Variants in KCNN2 observed in about 807,000 individuals in gnomAD.
KCNN2 encodes the protein small conductance calcium-activated potassium channel protein 2.
Under a neutral mutation model 55.5 loss-of-function variants are expected in KCNN2, and 24 were observed. That is an observed-to-expected ratio of 0.43 (90% CI 0.31 to 0.61). KCNN2 has a LOEUF of 0.61. Ranked by LOEUF, KCNN2 falls within the 20% of genes least tolerant of loss-of-function variation. KCNN2 has a pLI of 0.08. For missense variants in KCNN2, 754 were observed against 853.6 expected, an observed-to-expected ratio of 0.88 and a Z score of 1.45; for synonymous variants, 431 against 336.1, an observed-to-expected ratio of 1.28 and a Z score of -3.09.
chr5:114,140,250 A>T (rs1229322936), intron 1 of KCNN2, among the ~76,000 whole-genome samples: 2 of 152,150 alleles, frequency 1.3e-5, no homozygotes, highest in African/African-American at 2.4e-5. Context: ...TATCTTTGAG[A>T]TTTTGCTGAC....
Position 114,183,571 on chromosome 5 carries a change from T to G in KCNN2, c.-270-37909T>G, listed in dbSNP as rs564463579. 3.9e-5 allele frequency among the ~76,000 whole-genome samples: 6 copies of G among 152,254 alleles called. No individual in the cohort carries two copies. In the East Asian group the frequency reaches 1.2e-3, roughly 29 times the overall value. ...CTGCTTCATCTTTTGTCACTGTTAGTAAGTTGTATATTTGAAGAATCTGTC... is the reference window on the plus strand; with the variant it reads ...CTGCTTCATCTTTTGTCACTGTTAGGAAGTTGTATATTTGAAGAATCTGTC... On this transcript the variant is annotated intron_variant, in intron 1 of 10. Transcript: ENST00000512097.
intron 2 of KCNN2, among the ~76,000 whole-genome samples, chr5:114,392,543 T>G (rs1268447033): frequency 2.0e-5 from 3 of 152,186 alleles, no homozygotes; most frequent in Non-Finnish European, 4.4e-5. Context: ...GCATCAGCTT[T>G]GCTCGTTTCT....
At chr5:114,097,929 A>G (rs1561474402) in intron 1 of KCNN2, among the ~76,000 whole-genome samples, 1 of 152,182 alleles carries the variant, frequency 6.6e-6, no homozygotes, top group Non-Finnish European at 1.5e-5. Flanking sequence ...CAAACATAGT[A>G]GTTTAAAACA....
intron 1 of KCNN2, among the ~76,000 whole-genome samples, chr5:114,063,248 A>G (rs1298685519): frequency 6.6e-6 from 1 of 152,228 alleles, no homozygotes; most frequent in Non-Finnish European, 1.5e-5. Context: ...ATTATCATGT[A>G]TGTGTCTGCA....
chr5:114,236,354 TG>T (rs138650126), intron 2 of KCNN2, among the ~76,000 whole-genome samples: 1,585 of 152,206 alleles, frequency 0.01, 31 homozygotes, highest in African/African-American at 0.037. Context: ...AAAATTTGTT[TG>T]GGTTTTTAAA....
intron 1 of KCNN2, among the ~76,000 whole-genome samples, chr5:114,161,972 T>A (rs1189781440): frequency 1.3e-5 from 2 of 152,176 alleles, no homozygotes; most frequent in Non-Finnish European, 2.9e-5. Flanking sequence ...TTGGAGTAGT[T>A]TGATCTTCTG....
At chr5:114,324,453 G>T (rs1022635365) in intron 2 of KCNN2, among the ~76,000 whole-genome samples, 9 of 152,186 alleles carry the variant, frequency 5.9e-5, no homozygotes, top group African/African-American at 2.2e-4. Flanking sequence ...GGGAAAAAAT[G>T]ATGTCATCTT....
At chr5:114,445,658 T>A (rs1760377147) in intron 3 of KCNN2, among the ~76,000 whole-genome samples, 1 of 152,212 alleles carries the variant, frequency 6.6e-6, no homozygotes, top group African/African-American at 2.4e-5. Context: ...ATTCCATTAC[T>A]TTTTTCCTGT....
At chr5:114,072,540 T>A (rs764115295) in intron 1 of KCNN2, among the ~76,000 whole-genome samples, 12 of 152,208 alleles carry the variant, frequency 7.9e-5, no homozygotes, top group Non-Finnish European at 1.2e-4. Flanking sequence ...GTATTACTTT[T>A]AATGCTCTTG....
Position 114,174,919 on chromosome 5 carries a change from C to A in KCNN2, c.-270-46561C>A, listed in dbSNP as rs569792299. Among the ~76,000 whole-genome samples, 7 of 152,244 alleles carry A rather than the reference C, an allele frequency of 4.6e-5. No homozygotes were observed. The East Asian group carries it at 9.6e-4, about 21-fold the overall frequency. Reference sequence around the variant, plus strand: ...AGTATATGTGAAACCAAAGCTGCCCCCAATGGGCTGTGTGAGTTGTGCTGT... The same window carrying A: ...AGTATATGTGAAACCAAAGCTGCCCACAATGGGCTGTGTGAGTTGTGCTGT... On this transcript the variant is annotated intron_variant, in intron 1 of 10. Coordinates refer to the KCNN2 transcript ENST00000512097.
chr5:114,210,968 C>G (rs556317829), intron 1 of KCNN2, among the ~76,000 whole-genome samples: 1 of 152,018 alleles, frequency 6.6e-6, no homozygotes, highest in African/African-American at 2.4e-5. Context: ...AAAAAAAGCT[C>G]AATATCACTG....
chr5:114,459,453 T>C (rs1291285115), intron 3 of KCNN2, among the ~76,000 whole-genome samples: 2 of 152,234 alleles, frequency 1.3e-5, no homozygotes, highest in Non-Finnish European at 2.9e-5. Flanking sequence ...AAACATTGTA[T>C]TAATCATTCA....
chr5:114,272,307 C>CACACACATATATGTATGTACATATCAT lies in KCNN2; in HGVS notation c.-185+50749_-185+50750insTATATGTATGTACATATCATACACACA, dbSNP rs1561548916. On this transcript the variant is annotated intron_variant, in intron 2 of 10. Transcript: ENST00000512097. Reference sequence around the variant, plus strand: ...CACACATATATGTATGTACATATCACACACACACATATATGTATGTACATA... The same window carrying CACACACATATATGTATGTACATATCAT: ...CACACATATATGTATGTACATATCACACACACATATATGTATGTACATATCATACACACACATATATGTATGTACATA... Among the ~76,000 whole-genome samples the CACACACATATATGTATGTACATATCAT allele has an allele frequency of 1.2e-4, 18 of 144,500 alleles. 1 individual carries two copies. The highest frequency in any genetic ancestry group is 4.8e-4 in the African/African-American group (17 of 35,364). The allele number at this position is 144,500 out of a possible 152,430, so 94.8% of individuals were successfully genotyped here.
At chr5:114,311,199 A>G (rs529169713) in intron 2 of KCNN2, among the ~76,000 whole-genome samples, 4 of 152,292 alleles carry the variant, frequency 2.6e-5, no homozygotes, top group South Asian at 2.1e-4. Context: ...TCCTAAAAAG[A>G]TAATGGCACT....
At chr5:114,439,556 G>A (rs1194968785) in intron 3 of KCNN2, among the ~76,000 whole-genome samples, 1 of 152,098 alleles carries the variant, frequency 6.6e-6, no homozygotes. Context: ...CAGTGATTCT[G>A]ATTTCACTGG....
chr5:114,321,171 T>A (rs749815837), intron 2 of KCNN2, among the ~76,000 whole-genome samples: 1 of 152,208 alleles, frequency 6.6e-6, no homozygotes, highest in Non-Finnish European at 1.5e-5. Flanking sequence ...GCTGGGGAAG[T>A]CTTGCTTTTC....
rs879161839 is a variant in KCNN2 at position 114,362,242 on chromosome 5, G to A, written c.103G>A (p.Asp35Asn). ...LHCQQQQQSQ[D>N]KPCPPFAPLP... ...TTGCCAGCAGCAGCAACAGAGCCAGGACAAGCCGTGCCCGCCCTTCGCGCC... is the reference window on the plus strand; with the variant it reads ...TTGCCAGCAGCAGCAACAGAGCCAGAACAAGCCGTGCCCGCCCTTCGCGCC... Residue 35 changes from aspartate (D) to asparagine (N), a missense_variant, in exon 1 of 8, where the codon GAC becomes AAC. Asp to Asn is a conservative substitution (Grantham distance 23). Around this residue, in one of 4 missense-constraint regions of KCNN2, gnomAD observed 381 missense variants for 259.1 expected, o/e 1.47. Coordinates refer to ENST00000673685, the MANE Select transcript of KCNN2 (RefSeq NM_021614.4). The A allele has an allele frequency of 5.9e-6, 1 of 169,280 alleles. No individual in the cohort carries two copies. The highest frequency in any genetic ancestry group is 1.3e-5 in the Non-Finnish European group (1 of 79,754). 10.5% of individuals were successfully genotyped at this position (169,280 alleles called of 1,614,324 possible).
At chr5:114,492,539 A>G (rs549324844) in intron 6 of KCNN2, among the ~76,000 whole-genome samples, 3 of 152,288 alleles carry the variant, frequency 2.0e-5, no homozygotes, top group African/African-American at 7.2e-5. Context: ...CACTGAATAA[A>G]TATTTGTTGA....
intron 2 of KCNN2, among the ~76,000 whole-genome samples, chr5:114,239,918 TAGATTG>T (rs1442007746): frequency 4.6e-5 from 7 of 152,194 alleles, no homozygotes; most frequent in Non-Finnish European, 1.0e-4. Context: ...TTTGAAGTAT[TAGATTG>T]AGATTATTTT....
Sources: gnomAD v4.1 joint callset for allele counts (sites outside exome capture counted in the v4.1 genomes callset) on GRCh38, gnomAD v4.1.1 for gene constraint, gnomAD v4.1.1 regional missense constraint, MANE v1.5 for transcripts, NCBI Gene and HGNC (gene_info 2026-07-23, HGNC 2026-07-21) for gene names.